The following MKKS variants were observed in gnomAD, a reference collection of about 807,000 sequenced individuals.
MKKS encodes molecular chaperone MKKS.
MKKS carries 29 observed loss-of-function variants against 33.2 expected under a neutral mutation model. The ratio of observed to expected loss-of-function variants is 0.87; its 90% confidence interval spans 0.65 to 1.19. The LOEUF is 1.19. Ranked by LOEUF, MKKS falls within the 50% of genes most tolerant of loss-of-function variation. MKKS has a pLI of 0.00. For synonymous variants in MKKS, 260 were observed against 244.0 expected (o/e 1.07, Z -0.61); for missense variants, 661 against 662.3 (o/e 1.00, Z 0.02).
intron 1 of MKKS, among the ~76,000 whole-genome samples, chr20:10,425,184 T>C (rs2065007668): frequency 6.6e-6 from 1 of 152,176 alleles, no homozygotes; most frequent in Admixed American, 6.6e-5. Context: ...CTTTTGGGTG[T>C]AACAAAAATG....
rs998203068 is a variant in MKKS at position 10,408,569 on chromosome 20, A to G, written c.1161+59T>C. The G allele has an allele frequency of 1.4e-5, 21 of 1,555,166 alleles. No homozygotes were observed. The African/African-American group carries it at 2.9e-4, about 21-fold the overall frequency. Reference sequence around the variant, plus strand: ...CTACGAAAAAAAAATCATAATAACTATTGAGTGACTAATTCCTCCCTCAGC... The same window carrying G: ...CTACGAAAAAAAAATCATAATAACTGTTGAGTGACTAATTCCTCCCTCAGC... On this transcript the variant is annotated intron_variant, in intron 4 of 5. Transcript: ENST00000347364.
Position 10,412,656 on chromosome 20 carries a change from G to T in MKKS, c.859C>A (p.His287Asn), listed in dbSNP as rs140989772. Residue 287 changes from histidine (H) to asparagine (N), a missense_variant, in exon 3 of 6, where the codon CAC becomes AAC. Transcript: ENST00000347364. ...TTTTGGCACAGGACAAGATCTACGTGGTCACTGATTAGCTGCCTTCCTAGG... is the reference window on the plus strand; with the variant it reads ...TTTTGGCACAGGACAAGATCTACGTTGTCACTGATTAGCTGCCTTCCTAGG... The part of the protein sequence containing the change: ...LNLGRQLISD[H>N]VDLVLCQKVI... 69 of 1,614,004 alleles carry T rather than the reference G, an allele frequency of 4.3e-5. No individual in the cohort carries two copies. Among genetic ancestry groups the T allele is most frequent in the African/African-American group, 6.7e-5 (5 of 74,902 alleles).
intron 1 of MKKS, among the ~76,000 whole-genome samples, chr20:10,426,198 C>T (rs2065013372): frequency 6.6e-6 from 1 of 152,200 alleles, no homozygotes; most frequent in Admixed American, 6.5e-5. Context: ...TTAACTGTGG[C>T]ATTCAATTTA....
At chr20:10,406,699 G>T (rs945385799) in intron 5 of MKKS, among the ~76,000 whole-genome samples, 1 of 152,176 alleles carries the variant, frequency 6.6e-6, no homozygotes, top group Non-Finnish European at 1.5e-5. Context: ...CTTAAAAACA[G>T]TGACTACTTT....
rs1431527541 is a variant in MKKS at position 10,413,136 on chromosome 20, A to C, written c.379T>G (p.Cys127Gly). 6.2e-7 allele frequency: 1 copy of C among 1,614,024 alleles called. No individual in the cohort carries two copies. ...GTCTCAGACTTGAGATAACTGATGC[A>C]AAGACTCAAAAGATGTTTATTTAAT... ...IRLNKHLLSL[C>G]ISYLKSETCG... is the part of the protein sequence containing the mutation. The change falls in exon 3 of 6, where the codon TGC (cysteine) becomes GGC (glycine). Residue 127 changes from cysteine to glycine, a missense_variant. Cys to Gly is a radical substitution (Grantham distance 159). Transcript: ENST00000347364.
intron 1 of MKKS, among the ~76,000 whole-genome samples, chr20:10,424,693 A>G (rs6133925): frequency 0.067 from 10,163 of 152,228 alleles, 375 homozygotes; most frequent in East Asian, 0.17. Flanking sequence ...AATCAAACAT[A>G]TTTTGGGGAT....
chr20:10,407,368 G>T (rs911480642), intron 5 of MKKS, among the ~76,000 whole-genome samples: 5 of 152,002 alleles, frequency 3.3e-5, no homozygotes, highest in African/African-American at 9.7e-5. Context: ...ATTGTAATAA[G>T]GATATTACCT....
chr20:10,433,652 C>T (rs1315327640), intron 1 of MKKS, among the ~76,000 whole-genome samples: 2 of 152,168 alleles, frequency 1.3e-5, no homozygotes, highest in African/African-American at 2.4e-5. Context: ...ACGTAGCTGG[C>T]AGGGCCACGC....
Position 10,412,829 on chromosome 20 carries a change from C to T in MKKS, c.686G>A (p.Arg229Lys). The T allele has an allele frequency of 1.9e-6, 3 of 1,614,138 alleles. 1 individual carries two copies. The highest frequency in any genetic ancestry group is 3.3e-4 in the Middle Eastern group (2 of 6,062). ...AGTTGATTTTTTGATAGGTAATAGC[C>T]TCATTAATTGAACTTCTGACATTTC... Reference protein sequence around the residue: ...LIEMSEVQLMRLLPIKKSTAL... With the variant: ...LIEMSEVQLMKLLPIKKSTAL... Residue 229 changes from arginine to lysine, a missense_variant, in exon 3 of 6, where the codon AGG becomes AAG. By Grantham distance (26) the Arg-to-Lys change is conservative. Transcript: ENST00000347364.
chr20:10,429,822 C>T (rs1228426606), intron 1 of MKKS, among the ~76,000 whole-genome samples: 2 of 152,172 alleles, frequency 1.3e-5, no homozygotes, highest in Non-Finnish European at 2.9e-5. Flanking sequence ...CTCAACAGTG[C>T]CATTAGCAAC....
intron 1 of MKKS, among the ~76,000 whole-genome samples, chr20:10,430,490 G>A (rs1172445756): frequency 6.6e-6 from 1 of 152,170 alleles, no homozygotes; most frequent in Non-Finnish European, 1.5e-5. Context: ...AAACATTACT[G>A]GAATTAACCT....
intron 1 of MKKS, among the ~76,000 whole-genome samples, chr20:10,430,899 G>A (rs2065049754): frequency 1.3e-5 from 2 of 152,222 alleles, no homozygotes; most frequent in African/African-American, 4.8e-5. Flanking sequence ...CAGACACGCT[G>A]TTGGTCTGAA....
chr20:10,429,619 T>C (rs2065040279), intron 1 of MKKS, among the ~76,000 whole-genome samples: 2 of 152,200 alleles, frequency 1.3e-5, no homozygotes, highest in Admixed American at 1.3e-4. Context: ...TACTAAGCCA[T>C]TCAATTCAGA....
In MKKS at chr20:10,432,140, C is replaced by T. The variant is rs144756135; in HGVS notation, c.-649+1968G>A. 5.3e-5 allele frequency among the ~76,000 whole-genome samples: 8 copies of T among 152,298 alleles called. No individual in the cohort carries two copies. The East Asian group carries it at 1.4e-3, about 26-fold the overall frequency. On this transcript the variant is annotated intron_variant, in intron 1 of 5. Coordinates refer to ENST00000347364, the MANE Select transcript of MKKS (RefSeq NM_170784.3). ...CCTTTCCAGGGAAACAGACATCTAA[C>T]GACAGATCAATCAAGGGGTATAAAA...
At position 10,413,003 on chromosome 20, in the gene MKKS, G is replaced by C. The variant is rs1303349629; in HGVS notation, c.512C>G (p.Thr171Arg). ...KPACMLTRKE[T>R]EHVSALILRA... ...CAGGATCAAAGCACTGACATGCTCTGTTTCCTTTCTGGTGAGCATACAGGC... is the reference window on the plus strand; with the variant it reads ...CAGGATCAAAGCACTGACATGCTCTCTTTCCTTTCTGGTGAGCATACAGGC... The change falls in exon 3 of 6, where the codon ACA becomes AGA. Residue 171 changes from threonine (T) to arginine (R), a missense_variant. By Grantham distance (71) the Thr-to-Arg change is moderately conservative. Coordinates refer to ENST00000347364, the MANE Select transcript of MKKS (RefSeq NM_170784.3). The C allele has an allele frequency of 2.0e-5, 33 of 1,613,932 alleles. No individual in the cohort carries two copies. Among genetic ancestry groups the C allele is most frequent in the Non-Finnish European group, 2.6e-5 (31 of 1,180,040 alleles).
intron 2 of MKKS, among the ~76,000 whole-genome samples, chr20:10,419,866 T>C (rs887399294): frequency 1.3e-5 from 2 of 152,236 alleles, no homozygotes; most frequent in Admixed American, 1.3e-4. Context: ...GAATTTTCTA[T>C]TTAATATTTT....
In MKKS at chr20:10,403,506, C is replaced by T. The variant is rs1345920274; in HGVS notation, c.*1741G>A. On this transcript the variant is annotated 3_prime_UTR_variant, in exon 6 of 6. Transcript: ENST00000347364. ...GGGTGATATCATAACTGGAATCACCCCAGGCTTCCTCAGGAGGTAGTTCTT... is the reference window on the plus strand; with the variant it reads ...GGGTGATATCATAACTGGAATCACCTCAGGCTTCCTCAGGAGGTAGTTCTT... The T allele has an allele frequency of 6.6e-6, 1 of 152,128 alleles. No homozygotes were observed. 9.4% of individuals were successfully genotyped at this position (152,128 alleles called of 1,614,324 possible).
At chr20:10,419,335 A>C (rs754784684) in intron 2 of MKKS, among the ~76,000 whole-genome samples, 1 of 152,170 alleles carries the variant, frequency 6.6e-6, no homozygotes, top group Admixed American at 6.5e-5. Context: ...AGATTTTATA[A>C]ATACAATATA....
chr20:10,425,299 T>A (rs2122269972), intron 1 of MKKS, among the ~76,000 whole-genome samples: 1 of 152,340 alleles, frequency 6.6e-6, no homozygotes, highest in East Asian at 1.9e-4. Context: ...GGCGATATCC[T>A]AATTTGACCA....
Sources: allele counts gnomAD v4.1 joint callset (sites outside exome capture counted in the v4.1 genomes callset), GRCh38; gene constraint gnomAD v4.1.1; transcripts MANE v1.5; gene names NCBI Gene and HGNC (gene_info 2026-07-23, HGNC 2026-07-21).